Variants in FBXL17 observed in about 807,000 individuals in gnomAD.
FBXL17 encodes the protein F-box and leucine rich repeat protein 17, also known as F-box/LRR-repeat protein 17.
Under a neutral mutation model 66.2 loss-of-function variants are expected in FBXL17, and 22 were observed. The observed-to-expected ratio is 0.33, with a 90% confidence interval of 0.24 to 0.47. The LOEUF (loss-of-function observed/expected upper bound fraction) is 0.47. Among genes scored for constraint, FBXL17 ranks in the 20% least tolerant of loss-of-function variants. The pLI is 1.00. For missense variants in FBXL17, 878 were observed against 948.2 expected (o/e 0.93, Z 0.97); for synonymous variants, 474 against 400.5 (o/e 1.18, Z -2.19).
intron 5 of FBXL17, among the ~76,000 whole-genome samples, chr5:108,214,557 A>C (rs572865011): frequency 6.6e-6 from 1 of 152,072 alleles, no homozygotes; most frequent in Non-Finnish European, 1.5e-5. Flanking sequence ...TTTTTAGTAG[A>C]GACAGCATTT....
At chr5:108,085,434 G>A (rs943010160) in intron 6 of FBXL17, among the ~76,000 whole-genome samples, 3 of 152,210 alleles carry the variant, frequency 2.0e-5, no homozygotes, top group Non-Finnish European at 2.9e-5. Context: ...AGGGATTCCA[G>A]GAAAAGTTGA....
intron 6 of FBXL17, among the ~76,000 whole-genome samples, chr5:108,051,121 G>A (rs1011221943): frequency 6.6e-6 from 1 of 152,136 alleles, no homozygotes; most frequent in African/African-American, 2.4e-5. Context: ...GAAAGCCCAG[G>A]ACCAGATGCA....
At chr5:107,915,706 G>T (rs1002475755) in intron 7 of FBXL17, among the ~76,000 whole-genome samples, 2 of 152,176 alleles carry the variant, frequency 1.3e-5, no homozygotes, top group Non-Finnish European at 2.9e-5. Context: ...TAAATCAACA[G>T]CTAAACAGGA....
intron 4 of FBXL17, among the ~76,000 whole-genome samples, chr5:108,317,331 T>G (rs1405542633): frequency 6.6e-6 from 1 of 150,906 alleles, no homozygotes; most frequent in South Asian, 2.1e-4. Context: ...TTTTTTGTTT[T>G]TTGTTTTTTT....
chr5:108,057,955 G>C (rs1200120582), intron 6 of FBXL17, among the ~76,000 whole-genome samples: 1 of 152,110 alleles, frequency 6.6e-6, no homozygotes, highest in East Asian at 1.9e-4. Context: ...TTCATTTGAC[G>C]AATGAAGGAA....
intron 4 of FBXL17, among the ~76,000 whole-genome samples, chr5:108,295,355 CTAAG>C (rs1243505644): frequency 1.3e-5 from 2 of 151,602 alleles, no homozygotes; most frequent in Non-Finnish European, 3.0e-5. Flanking sequence ...CTCATATATT[CTAAG>C]CACATTACAT....
chr5:108,180,977 T>G (rs538432953), intron 6 of FBXL17, among the ~76,000 whole-genome samples: 22 of 152,276 alleles, frequency 1.4e-4, no homozygotes, highest in Admixed American at 6.5e-4. Context: ...GAGATTACCT[T>G]TGATAGTTTA....
chr5:108,173,371 A>G (rs1752678636), intron 6 of FBXL17, among the ~76,000 whole-genome samples: 1 of 152,160 alleles, frequency 6.6e-6, no homozygotes. Flanking sequence ...CACATTGTGC[A>G]CATGTACCCT....
intron 6 of FBXL17, among the ~76,000 whole-genome samples, chr5:108,175,625 GA>G (rs1752768804): frequency 6.6e-6 from 1 of 152,140 alleles, no homozygotes; most frequent in African/African-American, 2.4e-5. Context: ...GGTTCAAGCT[GA>G]AAGTATTCTG....
At chr5:108,178,232 A>C (rs1752870671) in intron 6 of FBXL17, among the ~76,000 whole-genome samples, 2 of 151,882 alleles carry the variant, frequency 1.3e-5, no homozygotes, top group Admixed American at 1.3e-4. Flanking sequence ...TTTTTTTATA[A>C]AGACGGGGTT....
intron 7 of FBXL17, among the ~76,000 whole-genome samples, chr5:107,937,752 T>C (rs888970540): frequency 1.3e-5 from 2 of 152,146 alleles, no homozygotes; most frequent in Non-Finnish European, 2.9e-5. Flanking sequence ...GATCACGTAC[T>C]TGCCCCCATC....
At chr5:108,296,481 T>C (rs1200620245) in intron 4 of FBXL17, among the ~76,000 whole-genome samples, 1 of 151,840 alleles carries the variant, frequency 6.6e-6, no homozygotes, top group African/African-American at 2.4e-5. Context: ...GATTTATGTT[T>C]AGAAAGTACA....
At chr5:108,378,049 G>T (rs1379520451) in intron 1 of FBXL17, among the ~76,000 whole-genome samples, 1 of 152,086 alleles carries the variant, frequency 6.6e-6, no homozygotes, top group Non-Finnish European at 1.5e-5. Flanking sequence ...GCATAAAATA[G>T]GATATTTTGC....
At chr5:107,971,384 G>A (rs1307945629) in intron 7 of FBXL17, among the ~76,000 whole-genome samples, 2 of 152,100 alleles carry the variant, frequency 1.3e-5, no homozygotes, top group African/African-American at 4.8e-5. Flanking sequence ...GTAAACTTAA[G>A]GTCTTTTTCA....
chr5:108,043,768 T>C (rs1437965565), intron 6 of FBXL17, among the ~76,000 whole-genome samples: 2 of 152,196 alleles, frequency 1.3e-5, no homozygotes, highest in Non-Finnish European at 2.9e-5. Flanking sequence ...GAGATTTTGA[T>C]AGAAATTGCA....
intron 4 of FBXL17, among the ~76,000 whole-genome samples, chr5:108,343,830 A>T (rs1747066302): frequency 6.6e-6 from 1 of 152,182 alleles, no homozygotes; most frequent in Admixed American, 6.5e-5. Context: ...TTAGACATTG[A>T]TACAGCCCAA....
At chr5:108,320,895 C>T (rs552314540) in intron 4 of FBXL17, among the ~76,000 whole-genome samples, 1 of 151,692 alleles carries the variant, frequency 6.6e-6, no homozygotes, top group Admixed American at 6.6e-5. Context: ...GGAAAAATCA[C>T]GCAAATTTGT....
At chr5:108,053,455 T>C (rs898077185) in intron 6 of FBXL17, among the ~76,000 whole-genome samples, 2 of 151,948 alleles carry the variant, frequency 1.3e-5, no homozygotes, top group African/African-American at 2.4e-5. Flanking sequence ...GCTCAATAGA[T>C]TGCGCCACTG....
At chr5:107,872,258 G>A (rs1200169227) in intron 8 of FBXL17, among the ~76,000 whole-genome samples, 2 of 152,204 alleles carry the variant, frequency 1.3e-5, no homozygotes, top group Non-Finnish European at 2.9e-5. Flanking sequence ...AGCAGATGCT[G>A]AGCTCATCTG....
Sources: gnomAD v4.1 joint callset for allele counts (sites outside exome capture counted in the v4.1 genomes callset) on GRCh38, gnomAD v4.1.1 for gene constraint, MANE v1.5 for transcripts, NCBI Gene and HGNC (gene_info 2026-07-23, HGNC 2026-07-21) for gene names.